Variants in TFCP2 observed in about 807,000 individuals in gnomAD.
TFCP2 encodes alpha-globin transcription factor CP2.
In TFCP2, 33 loss-of-function variants were observed where a neutral mutation model predicts 73.4. The observed-to-expected ratio is 0.45, with a 90% CI of 0.34 to 0.60. The LOEUF (loss-of-function observed/expected upper bound fraction) is 0.60, where lower values mean the gene tolerates loss of function less well. TFCP2 is among the 20% of genes least tolerant of loss of function. The pLI is 0.01. For synonymous variants in TFCP2, 193 were observed against 211.6 expected (o/e 0.91, Z 0.76); for missense variants, 352 against 604.0 (o/e 0.58, Z 4.37).
At chr12:51,128,514 G>A (rs1592811647) in intron 1 of TFCP2, among the ~76,000 whole-genome samples, 1 of 150,658 alleles carries the variant, frequency 6.6e-6, no homozygotes, top group Non-Finnish European at 1.5e-5. Flanking sequence ...AACTAGTATT[G>A]GGAACATCTA....
At chr12:51,123,894 G>C (rs1448629123) in intron 1 of TFCP2, among the ~76,000 whole-genome samples, 1 of 152,170 alleles carries the variant, frequency 6.6e-6, no homozygotes, top group Non-Finnish European at 1.5e-5. Flanking sequence ...AATAAAAATG[G>C]AGTCATTCAC....
Position 51,109,106 on chromosome 12 carries a change from A to T in TFCP2, c.717+15T>A. Reference sequence around the variant, plus strand: ...GGTAAAAGAATCCAAGGGCCAGCACATTGCCCAGGAATACCTTGAAAACTT... The same window carrying T: ...GGTAAAAGAATCCAAGGGCCAGCACTTTGCCCAGGAATACCTTGAAAACTT... On this transcript the variant is annotated intron_variant, in intron 6 of 14. Coordinates refer to ENST00000257915, the MANE Select transcript of TFCP2 (RefSeq NM_005653.5). The T allele has an allele frequency of 6.2e-7, 1 of 1,613,464 alleles. No homozygotes were observed. Among genetic ancestry groups the T allele is most frequent in the East Asian group, 2.2e-5 (1 of 44,862 alleles).
intron 1 of TFCP2, among the ~76,000 whole-genome samples, chr12:51,146,078 T>A (rs2640508): frequency 0.98 from 149,731 of 152,232 alleles, 73,677 homozygotes; most frequent in Middle Eastern, 1. Context: ...TCTAAAATAT[T>A]TTTGAGGCTG....
At chr12:51,134,899 T>G (rs1453206238) in intron 1 of TFCP2, among the ~76,000 whole-genome samples, 2 of 151,856 alleles carry the variant, frequency 1.3e-5, no homozygotes, top group Non-Finnish European at 2.9e-5. Context: ...ACTTGAGCCC[T>G]GGGGTTCAAA....
At chr12:51,151,743 A>G (rs1310375542) in intron 1 of TFCP2, among the ~76,000 whole-genome samples, 2 of 152,102 alleles carry the variant, frequency 1.3e-5, no homozygotes, top group African/African-American at 4.8e-5. Context: ...GCCAATACCT[A>G]ATTTTAAAAG....
In TFCP2 at chr12:51,118,673, A is replaced by T; in HGVS notation, c.222T>A (p.Ala74=). 2 of 1,614,210 alleles carry T rather than the reference A, an allele frequency of 1.2e-6. No homozygotes were observed. The change falls in exon 2 of 15, where the codon GCT becomes GCA. Residue 74 remains alanine (A), a synonymous_variant. Coordinates refer to ENST00000257915, the MANE Select transcript of TFCP2 (RefSeq NM_005653.5). ...ILPFQYVLCA[A]TSPAVKLHDE... ...CATGGAGTTTCACTGCTGGAGAGGT[A>T]GCAGCACAAAGCACATATTGAAAAG...
chr12:51,129,296 G>A (rs1405730497), intron 1 of TFCP2, among the ~76,000 whole-genome samples: 3 of 151,658 alleles, frequency 2.0e-5, no homozygotes, highest in Non-Finnish European at 4.4e-5. Flanking sequence ...GGCGGATCAC[G>A]AGGTCAGGAG....
intron 1 of TFCP2, among the ~76,000 whole-genome samples, chr12:51,130,106 T>C (rs557781786): frequency 2.0e-5 from 3 of 151,374 alleles, no homozygotes; most frequent in Non-Finnish European, 4.4e-5. Context: ...GATTGTGCCA[T>C]TGCACTCCAG....
At chr12:51,099,921 A>T in intron 11 of TFCP2, 142 bp from the exon 12 acceptor site, 10 of 1,034,542 alleles carry the variant, frequency 9.7e-6, no homozygotes, top group Non-Finnish European at 1.2e-5. Context: ...TTAATTTGCT[A>T]TGTTTTATTA....
intron 2 of TFCP2, among the ~76,000 whole-genome samples, chr12:51,118,050 G>A (rs1481632099): frequency 6.6e-6 from 1 of 152,200 alleles, no homozygotes; most frequent in Non-Finnish European, 1.5e-5. Flanking sequence ...GAGCCAGGTA[G>A]AGTAATACTT....
intron 1 of TFCP2, among the ~76,000 whole-genome samples, chr12:51,141,624 G>A (rs1302390277): frequency 6.6e-6 from 1 of 151,966 alleles, no homozygotes; most frequent in Non-Finnish European, 1.5e-5. Context: ...CTTTAGCTGG[G>A]CAGGGTGGCT....
intron 1 of TFCP2, among the ~76,000 whole-genome samples, chr12:51,148,212 G>A (rs1941340167): frequency 6.6e-6 from 1 of 152,324 alleles, no homozygotes; most frequent in African/African-American, 2.4e-5. Flanking sequence ...CAACCACTAG[G>A]AAGAACAGTG....
In TFCP2 at chr12:51,109,839, C is replaced by A. The variant is rs1940352247; in HGVS notation, c.565-566G>T. The stretch of plus-strand genomic sequence containing the variant: ...GTTCAAGCAATTCTCCTGCCTCAGC[C>A]TCCCAAATAGCTGGGATTACAGGCA... On this transcript the variant is annotated intron_variant, in intron 5 of 14. Transcript: ENST00000257915. 2.0e-5 allele frequency among the ~76,000 whole-genome samples: 3 copies of A among 152,060 alleles called. No individual in the cohort carries two copies. The South Asian group carries it at 6.2e-4, about 32-fold the overall frequency.
chr12:51,168,765 C>T (rs1229101568), intron 1 of TFCP2, among the ~76,000 whole-genome samples: 2 of 151,806 alleles, frequency 1.3e-5, no homozygotes, highest in East Asian at 1.9e-4. Context: ...ATTACAGGCA[C>T]GAGCCACCAT....
chr12:51,095,911 C>T, intron 14 of TFCP2, 78 bp downstream of exon 14: 1 of 1,136,722 alleles, frequency 8.8e-7, no homozygotes, highest in Non-Finnish European at 1.3e-6. Context: ...CCTATCTCTC[C>T]TCAAAGAAGT....
intron 1 of TFCP2, among the ~76,000 whole-genome samples, chr12:51,146,656 C>T (rs1423770664): frequency 6.6e-6 from 1 of 152,174 alleles, no homozygotes; most frequent in African/African-American, 2.4e-5. Flanking sequence ...AATTCCATTG[C>T]TCCTATAATC....
At position 51,116,252 on chromosome 12, in the gene TFCP2, A is replaced by C. The variant is rs377585717; in HGVS notation, c.457+63T>G. 8.2e-6 allele frequency: 7 copies of C among 853,152 alleles called. No individual in the cohort carries two copies. In the African/African-American group the frequency reaches 1.0e-4, roughly 12 times the overall value. The allele number at this position is 853,152 out of a possible 1,614,324, so 52.8% of individuals were successfully genotyped here. On this transcript the variant is annotated intron_variant, in intron 4 of 14. Coordinates refer to ENST00000257915, the MANE Select transcript of TFCP2 (RefSeq NM_005653.5). Reference sequence around the variant, plus strand: ...ATGAATCAAGGTAAATGTCAAATAAAGAAAACCAACTCTGGGTCCATAGCT... The same window carrying C: ...ATGAATCAAGGTAAATGTCAAATAACGAAAACCAACTCTGGGTCCATAGCT...
At chr12:51,104,836 C>T (rs1357405237) in intron 8 of TFCP2, among the ~76,000 whole-genome samples, 10 of 151,626 alleles carry the variant, frequency 6.6e-5, no homozygotes, top group Non-Finnish European at 8.8e-5. Context: ...CTCAGCCTAC[C>T]GAGTAGCTGG....
At chr12:51,130,860 G>A (rs1386681240) in intron 1 of TFCP2, among the ~76,000 whole-genome samples, 5 of 151,964 alleles carry the variant, frequency 3.3e-5, no homozygotes, top group South Asian at 2.1e-4. Flanking sequence ...GGTGGCAGGT[G>A]CCTGTAATCC....
Sources: allele counts gnomAD v4.1 joint callset (sites outside exome capture counted in the v4.1 genomes callset), GRCh38; gene constraint gnomAD v4.1.1; transcripts MANE v1.5; gene names NCBI Gene and HGNC (gene_info 2026-07-23, HGNC 2026-07-21).